Variants in ST18 observed in about 807,000 individuals in gnomAD.
The protein encoded by ST18 is ST18 C2H2C-type zinc finger transcription factor.
A neutral mutation model predicts 110.0 loss-of-function variants in ST18; 50 were observed. The observed-to-expected ratio is 0.45, with a 90% CI of 0.36 to 0.58. The LOEUF (loss-of-function observed/expected upper bound fraction) is 0.58. ST18 is among the 20% of genes least tolerant of loss of function. ST18 has a pLI of 0.00. For missense variants in ST18, 1,306 were observed against 1,280.1 expected, an observed-to-expected ratio of 1.02 and a Z score of -0.31; for synonymous variants, 461 against 452.4, an observed-to-expected ratio of 1.02 and a Z score of -0.24.
At chr8:52,277,511 C>T (rs1589549282) in intron 2 of ST18, among the ~76,000 whole-genome samples, 2 of 152,112 alleles carry the variant, frequency 1.3e-5, no homozygotes, top group African/African-American at 4.8e-5. Context: ...GTTCTTAGAT[C>T]GCAGAAGAAA....
intron 2 of ST18, among the ~76,000 whole-genome samples, chr8:52,285,291 G>T (rs915329659): frequency 6.6e-6 from 1 of 152,130 alleles, no homozygotes; most frequent in Non-Finnish European, 1.5e-5. Context: ...TACACAGTCT[G>T]ATTTTTACTC....
intron 2 of ST18, among the ~76,000 whole-genome samples, chr8:52,346,974 C>A (rs1254885859): frequency 6.6e-6 from 1 of 152,046 alleles, no homozygotes; most frequent in African/African-American, 2.4e-5. Flanking sequence ...AAGTAAAAAG[C>A]AATTTAAACT....
chr8:52,254,772 G>T (rs1348731561), intron 2 of ST18, among the ~76,000 whole-genome samples: 1 of 152,130 alleles, frequency 6.6e-6, no homozygotes, highest in Non-Finnish European at 1.5e-5. Flanking sequence ...AGTTAAAAAG[G>T]GGGCTGTGTC....
intron 2 of ST18, among the ~76,000 whole-genome samples, chr8:52,400,199 T>A (rs984013610): frequency 1.3e-5 from 2 of 152,128 alleles, no homozygotes; most frequent in Non-Finnish European, 2.9e-5. Flanking sequence ...TAACTTGAAG[T>A]CTATTTATCT....
intron 12 of ST18, among the ~76,000 whole-genome samples, chr8:52,164,667 C>T (rs1056438508): frequency 2.0e-5 from 3 of 152,202 alleles, no homozygotes; most frequent in Non-Finnish European, 4.4e-5. Context: ...ATATGTATGT[C>T]TTATGCTAGT....
intron 2 of ST18, among the ~76,000 whole-genome samples, chr8:52,341,847 G>C (rs1815172286): frequency 7.4e-6 from 1 of 135,186 alleles, no homozygotes; most frequent in African/African-American, 2.8e-5. Context: ...GCTCCCCACT[G>C]CCTGGCCCAG....
intron 2 of ST18, among the ~76,000 whole-genome samples, chr8:52,381,642 G>A (rs1182421479): frequency 2.0e-5 from 3 of 152,116 alleles, no homozygotes; most frequent in Non-Finnish European, 4.4e-5. Context: ...AGTACAACAT[G>A]TTAACTCATC....
chr8:52,291,928 A>T (rs1397119628), intron 2 of ST18, among the ~76,000 whole-genome samples: 2 of 152,104 alleles, frequency 1.3e-5, no homozygotes, highest in East Asian at 3.9e-4. Flanking sequence ...GGCGCGTGCC[A>T]TCACACCCGG....
intron 2 of ST18, among the ~76,000 whole-genome samples, chr8:52,339,169 G>T (rs1201520828): frequency 6.6e-6 from 1 of 152,162 alleles, no homozygotes; most frequent in Non-Finnish European, 1.5e-5. Flanking sequence ...CACTCCTGTA[G>T]CTGTAGGACT....
chr8:52,176,697 C>T (rs2067094461), intron 9 of ST18, among the ~76,000 whole-genome samples: 1 of 152,192 alleles, frequency 6.6e-6, no homozygotes, highest in Non-Finnish European at 1.5e-5. Flanking sequence ...GGTAATCCTA[C>T]AGATACATAC....
intron 8 of ST18, among the ~76,000 whole-genome samples, chr8:52,198,164 G>A (rs757163110): frequency 5.3e-5 from 8 of 151,932 alleles, no homozygotes; most frequent in African/African-American, 1.5e-4. Context: ...CCACCACCAC[G>A]CCTGGCTAAT....
chr8:52,225,747 C>T (rs761907106), intron 3 of ST18, among the ~76,000 whole-genome samples: 1 of 152,184 alleles, frequency 6.6e-6, no homozygotes, highest in Non-Finnish European at 1.5e-5. Flanking sequence ...AAACTGTAAA[C>T]AGGAATAGAT....
intron 22 of ST18, among the ~76,000 whole-genome samples, chr8:52,129,528 C>T (rs1205718234): frequency 6.6e-6 from 1 of 151,680 alleles, no homozygotes; most frequent in Non-Finnish European, 1.5e-5. Flanking sequence ...AGAGAATACC[C>T]CACATTAACT....
chr8:52,143,550 A>G (rs1050599557), intron 16 of ST18, among the ~76,000 whole-genome samples: 1 of 152,202 alleles, frequency 6.6e-6, no homozygotes, highest in Middle Eastern at 3.2e-3. Context: ...ACAGATCTTT[A>G]TCCTAAGTGA....
chr8:52,241,396 A>G (rs188676214), intron 2 of ST18, among the ~76,000 whole-genome samples: 4 of 152,362 alleles, frequency 2.6e-5, no homozygotes, highest in East Asian at 3.9e-4. Context: ...AGAATTGGCT[A>G]TGCCTGGTGA....
chr8:52,374,660 C>T (rs983590934), intron 2 of ST18, among the ~76,000 whole-genome samples: 2 of 152,058 alleles, frequency 1.3e-5, no homozygotes, highest in African/African-American at 4.8e-5. Context: ...CATCCATTAG[C>T]TCTTTCCCCA....
At chr8:52,113,378 T>G (rs1463170904) in intron 25 of ST18, 40 bp from the exon 26 acceptor site, 11 of 1,605,570 alleles carry the variant, frequency 6.9e-6, no homozygotes, top group Non-Finnish European at 8.5e-6. Flanking sequence ...TCACAGTGGT[T>G]CAGGCTGAGG....
intron 2 of ST18, chr8:52,296,493 A>G (rs1217093183): frequency 6.6e-6 from 1 of 152,232 alleles, no homozygotes; most frequent in African/African-American, 2.4e-5. Flanking sequence ...CACACAGCAC[A>G]GTGAACGTCG....
At chr8:52,151,032 G>A (rs751159307) in intron 15 of ST18, 1 of 152,090 alleles carries the variant, frequency 6.6e-6, no homozygotes, top group Admixed American at 6.5e-5. Flanking sequence ...TGGTATTTTC[G>A]CCATCATCCA....
Sources: gnomAD v4.1 joint callset for allele counts (sites outside exome capture counted in the v4.1 genomes callset) on GRCh38, gnomAD v4.1.1 for gene constraint, MANE v1.5 for transcripts, NCBI Gene and HGNC (gene_info 2026-07-23, HGNC 2026-07-21) for gene names.